Variants in CDH18 observed in about 807,000 individuals in gnomAD.
The protein encoded by CDH18 is cadherin-18.
In CDH18, 31 loss-of-function variants were observed where a neutral mutation model predicts 67.9. The observed-to-expected ratio is 0.46, with a 90% CI of 0.34 to 0.62. CDH18 has a LOEUF of 0.62. CDH18 is among the 20% of genes least tolerant of loss of function. CDH18 has a pLI of 0.01. For missense variants in CDH18, 890 were observed against 975.5 expected (o/e 0.91, Z 1.17); for synonymous variants, 362 against 347.2 (o/e 1.04, Z -0.48).
intron 2 of CDH18, among the ~76,000 whole-genome samples, chr5:20,167,455 T>C (rs1001221762): frequency 1.3e-4 from 20 of 151,698 alleles, no homozygotes; most frequent in African/African-American, 4.8e-4. Context: ...CCATCTATTT[T>C]TAAAATGAAT....
At chr5:19,816,669 T>C (rs1017421743) in intron 3 of CDH18, among the ~76,000 whole-genome samples, 1 of 151,848 alleles carries the variant, frequency 6.6e-6, no homozygotes, top group Non-Finnish European at 1.5e-5. Context: ...TTTTAAATTA[T>C]AATTTCTAGT....
At chr5:20,350,020 A>T (rs1439104099) in intron 1 of CDH18, among the ~76,000 whole-genome samples, 1 of 152,176 alleles carries the variant, frequency 6.6e-6, no homozygotes, top group Non-Finnish European at 1.5e-5. Flanking sequence ...CTGGAAGCAG[A>T]AATAGTAAAG....
At chr5:20,462,531 A>G (rs1384210074) in intron 1 of CDH18, among the ~76,000 whole-genome samples, 1 of 152,224 alleles carries the variant, frequency 6.6e-6, no homozygotes, top group East Asian at 1.9e-4. Context: ...GATAAATATC[A>G]AAGTGATGGG....
At chr5:20,453,190 G>C (rs927210734) in intron 1 of CDH18, among the ~76,000 whole-genome samples, 2 of 152,182 alleles carry the variant, frequency 1.3e-5, no homozygotes, top group African/African-American at 4.8e-5. Flanking sequence ...AGAGATAAAC[G>C]GTATGCATTA....
intron 3 of CDH18, among the ~76,000 whole-genome samples, chr5:19,767,354 A>C (rs1038123431): frequency 1.3e-5 from 2 of 152,078 alleles, no homozygotes; most frequent in African/African-American, 2.4e-5. Flanking sequence ...AAAGCAGAGT[A>C]GTTGCGAATA....
At chr5:19,794,262 A>G (rs1288832266) in intron 3 of CDH18, among the ~76,000 whole-genome samples, 1 of 152,102 alleles carries the variant, frequency 6.6e-6, no homozygotes, top group Non-Finnish European at 1.5e-5. Flanking sequence ...TCCAGAAGAT[A>G]TTAGTATTTA....
rs347735 is a variant in CDH18, at chr5:19,548,753, T to C, written c.1254-4748A>G. Among the ~76,000 whole-genome samples, 269 of 79,882 alleles carry C rather than the reference T, an allele frequency of 3.4e-3. 2 individuals carry two copies. Among genetic ancestry groups the C allele is most frequent in the African/African-American group, 0.013 (206 of 15,290 alleles). The allele number at this position is 79,882 out of a possible 152,430, so 52.4% of individuals were successfully genotyped here. On this transcript the variant is annotated intron_variant, in intron 8 of 12. Transcript: ENST00000382275. Reference sequence around the variant, plus strand: ...GGTCTACTGAGTAATATTTATCAGCTTTTTTTTTTTTTTTTTTATGAAGTG... The same window carrying C: ...GGTCTACTGAGTAATATTTATCAGCCTTTTTTTTTTTTTTTTTATGAAGTG...
chr5:20,365,385 T>C (rs1271120297), intron 1 of CDH18, among the ~76,000 whole-genome samples: 3 of 152,138 alleles, frequency 2.0e-5, no homozygotes. Context: ...ACATTTGAGG[T>C]AGGGGACACA....
intron 1 of CDH18, among the ~76,000 whole-genome samples, chr5:20,389,303 G>A (rs1476983990): frequency 6.6e-6 from 1 of 152,098 alleles, no homozygotes; most frequent in Non-Finnish European, 1.5e-5. Flanking sequence ...TTACCATTAT[G>A]TAATGGCCTT....
At chr5:19,724,813 A>C (rs926595683) in intron 4 of CDH18, among the ~76,000 whole-genome samples, 1 of 152,144 alleles carries the variant, frequency 6.6e-6, no homozygotes, top group African/African-American at 2.4e-5. Context: ...ATATACCGCT[A>C]ACCTTTCTGG....
chr5:19,931,706 C>G (rs1388668221), intron 2 of CDH18, among the ~76,000 whole-genome samples: 1 of 151,836 alleles, frequency 6.6e-6, no homozygotes, highest in African/African-American at 2.4e-5. Flanking sequence ...AATGCAACAA[C>G]TAATATTTTC....
intron 8 of CDH18, among the ~76,000 whole-genome samples, chr5:19,547,311 A>G (rs1209507460): frequency 6.6e-6 from 1 of 152,124 alleles, no homozygotes; most frequent in Non-Finnish European, 1.5e-5. Flanking sequence ...ATTTTTGGTT[A>G]CTGTAAGAAA....
intron 2 of CDH18, among the ~76,000 whole-genome samples, chr5:20,043,324 C>T (rs930501863): frequency 6.6e-6 from 1 of 152,128 alleles, no homozygotes; most frequent in Non-Finnish European, 1.5e-5. Context: ...AACTTCACTG[C>T]CATTCCTTGT....
chr5:19,821,233 G>A (rs1348809900), intron 3 of CDH18, among the ~76,000 whole-genome samples: 1 of 151,980 alleles, frequency 6.6e-6, no homozygotes, highest in South Asian at 2.1e-4. Flanking sequence ...CAACAATGAC[G>A]TAGCCATTTT....
At chr5:19,866,461 G>A (rs1785509678) in intron 2 of CDH18, among the ~76,000 whole-genome samples, 1 of 152,174 alleles carries the variant, frequency 6.6e-6, no homozygotes, top group Non-Finnish European at 1.5e-5. Context: ...TTTACATGCA[G>A]CTGGGTTTTG....
intron 2 of CDH18, among the ~76,000 whole-genome samples, chr5:20,125,398 CTTTA>C (rs1188994684): frequency 1.3e-5 from 2 of 151,832 alleles, no homozygotes; most frequent in East Asian, 3.9e-4. Context: ...GTATATTATG[CTTTA>C]TTTGAGATAC....
At chr5:19,984,474 A>G (rs1799370059) in intron 1 of CDH18, among the ~76,000 whole-genome samples, 1 of 152,186 alleles carries the variant, frequency 6.6e-6, no homozygotes, top group Non-Finnish European at 1.5e-5. Flanking sequence ...AATATTAGAA[A>G]TTTAGATGTT....
intron 1 of CDH18, among the ~76,000 whole-genome samples, chr5:20,453,379 G>A (rs1323237349): frequency 2.0e-5 from 3 of 152,084 alleles, no homozygotes; most frequent in African/African-American, 7.2e-5. Flanking sequence ...GGAATGGTTT[G>A]CCTGATAGGG....
At chr5:20,067,836 A>G (rs1450482885) in intron 2 of CDH18, among the ~76,000 whole-genome samples, 1 of 152,098 alleles carries the variant, frequency 6.6e-6, no homozygotes, top group Non-Finnish European at 1.5e-5. Context: ...AATGAAATGC[A>G]GATGTTAGAC....
Sources: gnomAD v4.1 joint callset for allele counts (sites outside exome capture counted in the v4.1 genomes callset) on GRCh38, gnomAD v4.1.1 for gene constraint, MANE v1.5 for transcripts, NCBI Gene and HGNC (gene_info 2026-07-23, HGNC 2026-07-21) for gene names.